Variants in AKR1D1 observed in about 807,000 individuals in gnomAD.
AKR1D1 encodes aldo-keto reductase family 1 member D1.
Under a neutral mutation model 42.6 loss-of-function variants are expected in AKR1D1, and 32 were observed. The observed-to-expected ratio is 0.75, with a 90% CI of 0.57 to 1.01. The LOEUF (loss-of-function observed/expected upper bound fraction) is 1.01. Among genes scored for constraint, AKR1D1 ranks in the 50% least tolerant of loss-of-function variants. The pLI is 0.00. For synonymous variants in AKR1D1, 123 were observed against 135.5 expected, an observed-to-expected ratio of 0.91 and a Z score of 0.64; for missense variants, 364 against 402.2, an observed-to-expected ratio of 0.91 and a Z score of 0.81.
intron 6 of AKR1D1, among the ~76,000 whole-genome samples, 157 bp downstream of exon 6, chr7:138,106,874 G>A (rs1554393117): frequency 6.6e-6 from 1 of 152,170 alleles, no homozygotes; most frequent in Non-Finnish European, 1.5e-5. Context: ...TCCTGACTGA[G>A]CTGTTGTAAA....
At chr7:138,078,613 T>C (rs1802989359) in intron 1 of AKR1D1, among the ~76,000 whole-genome samples, 1 of 152,226 alleles carries the variant, frequency 6.6e-6, no homozygotes, top group South Asian at 2.1e-4. Flanking sequence ...ATGCAGAGAT[T>C]CTCAAAGCTA....
Position 138,100,088 on chromosome 7 carries a change from C to CAAAAAAAAAA in AKR1D1, c.456+2166_456+2175dup, listed in dbSNP as rs59361346. Among the ~76,000 whole-genome samples, 78 of 43,564 alleles carry CAAAAAAAAAA rather than the reference C, an allele frequency of 1.8e-3. 5 individuals are homozygous for CAAAAAAAAAA. Among genetic ancestry groups the CAAAAAAAAAA allele is most frequent in the Non-Finnish European group, 2.4e-3 (64 of 26,508 alleles). 28.6% of individuals were successfully genotyped at this position (43,564 alleles called of 152,430 possible). On this transcript the variant is annotated intron_variant, in intron 4 of 8. Transcript: ENST00000242375. ...TGGGCAATATAGCGAGATTTCATCT[C>CAAAAAAAAAA]AAAAAAAAAAAAAAAAAAAAAAAAA... is the stretch of plus-strand genomic sequence containing the variant.
At chr7:138,101,208 C>T in intron 4 of AKR1D1, among the ~76,000 whole-genome samples, 1 of 109,846 alleles carries the variant, frequency 9.1e-6, no homozygotes, top group African/African-American at 3.5e-5. Context: ...TTCCTTCCTT[C>T]CTTCCTTCCT....
At chr7:138,091,747 C>A (rs2117434687) in intron 2 of AKR1D1, 21 bp from the exon 3 acceptor site, 1 of 1,541,794 alleles carries the variant, frequency 6.5e-7, no homozygotes, top group South Asian at 1.1e-5. Flanking sequence ...TTAGTTAATT[C>A]TCCCTCTTTG....
intron 7 of AKR1D1, among the ~76,000 whole-genome samples, chr7:138,112,960 G>A (rs1470493352): frequency 6.6e-6 from 1 of 152,048 alleles, no homozygotes; most frequent in South Asian, 2.1e-4. Flanking sequence ...AAAAATGAGA[G>A]AAAGGATTTC....
intron 4 of AKR1D1, among the ~76,000 whole-genome samples, chr7:138,103,823 A>G (rs1794364585): frequency 6.6e-6 from 1 of 152,210 alleles, no homozygotes; most frequent in Non-Finnish European, 1.5e-5. Flanking sequence ...TCTTCAAAAT[A>G]TATAAAACAA....
intron 8 of AKR1D1, 82 bp downstream of exon 8, chr7:138,113,854 T>C (rs550733201): frequency 5.6e-6 from 7 of 1,249,604 alleles, no homozygotes; most frequent in East Asian, 2.3e-5. Context: ...ATAAGAACCC[T>C]GACCTATGTC....
intron 7 of AKR1D1, 135 bp from the exon 8 acceptor site, chr7:138,113,555 C>A (rs1026527133): frequency 1.6e-5 from 12 of 745,166 alleles, no homozygotes; most frequent in Non-Finnish European, 2.6e-5. Flanking sequence ...AGTGGGTAGC[C>A]CCCCAACACC....
At chr7:138,101,593 C>A (rs1174636727) in intron 4 of AKR1D1, among the ~76,000 whole-genome samples, 1 of 152,124 alleles carries the variant, frequency 6.6e-6, no homozygotes, top group Non-Finnish European at 1.5e-5. Flanking sequence ...AGGAGGCACA[C>A]ATGTAAATAA....
At chr7:138,087,937 C>T (rs908423799) in intron 1 of AKR1D1, among the ~76,000 whole-genome samples, 2 of 148,158 alleles carry the variant, frequency 1.3e-5, no homozygotes, top group African/African-American at 5.0e-5. Flanking sequence ...GTTGCCCAGT[C>T]TGGAGTACAG....
In AKR1D1 at chr7:138,088,747, A is replaced by T. The variant is rs761965998; in HGVS notation, c.240A>T (p.Glu80Asp). Reference protein sequence around the residue: ...EKIAEGKVRREDIFYCGKLWA... With the variant: ...EKIAEGKVRRDDIFYCGKLWA... The stretch of plus-strand genomic sequence containing the variant: ...TAGCAGAAGGAAAGGTGCGGAGGGA[A>T]GATATCTTCTACTGTGGAAAGGTGA... The change falls in exon 2 of 9, where the codon GAA becomes GAT. Residue 80 changes from glutamate to aspartate, a missense_variant. Physicochemically the swap from Glu to Asp is conservative, Grantham distance 45 (BLOSUM62 2). Transcript: ENST00000242375. 6.2e-7 allele frequency: 1 copy of T among 1,605,768 alleles called. No homozygotes were observed. Among genetic ancestry groups the T allele is most frequent in the Non-Finnish European group, 8.5e-7 (1 of 1,175,756 alleles).
chr7:138,105,266 T>C, intron 4 of AKR1D1, 41 bp from the exon 5 acceptor site: 2 of 1,613,982 alleles, frequency 1.2e-6, no homozygotes, highest in South Asian at 1.1e-5. Context: ...TCTTGCTTCT[T>C]GTGAGGCTTG....
chr7:138,096,138 C>T (rs546557450), intron 3 of AKR1D1, among the ~76,000 whole-genome samples: 3 of 151,722 alleles, frequency 2.0e-5, no homozygotes, highest in Non-Finnish European at 4.4e-5. Context: ...CTGGGGACAT[C>T]GAGGCTACAG....
intron 7 of AKR1D1, among the ~76,000 whole-genome samples, chr7:138,108,401 G>A (rs573432041): frequency 6.6e-6 from 1 of 152,228 alleles, no homozygotes; most frequent in East Asian, 1.9e-4. Flanking sequence ...TAAATAAAAA[G>A]TAAGATACTA....
chr7:138,093,171 C>T (rs1363908568), intron 3 of AKR1D1, among the ~76,000 whole-genome samples: 1 of 150,830 alleles, frequency 6.6e-6, no homozygotes, highest in African/African-American at 2.4e-5. Context: ...CGGGTTCAAG[C>T]GATTCTCCTG....
chr7:138,109,915 C>A (rs569398029), intron 7 of AKR1D1, among the ~76,000 whole-genome samples: 2 of 152,006 alleles, frequency 1.3e-5, no homozygotes, highest in Admixed American at 1.3e-4. Context: ...CAATTTTGTA[C>A]CAGAGAAAAT....
chr7:138,097,233 T>A (rs1794201324), intron 3 of AKR1D1, among the ~76,000 whole-genome samples: 1 of 152,174 alleles, frequency 6.6e-6, no homozygotes, highest in Non-Finnish European at 1.5e-5. Flanking sequence ...CCAGACACCA[T>A]CAGCTCTCCC....
At chr7:138,083,204 T>C (rs762582695) in intron 1 of AKR1D1, among the ~76,000 whole-genome samples, 6 of 152,202 alleles carry the variant, frequency 3.9e-5, no homozygotes, top group Admixed American at 3.3e-4. Context: ...TCACCAATAA[T>C]TGTTACCTTT....
chr7:138,114,004 C>G (rs1216548262), intron 8 of AKR1D1, among the ~76,000 whole-genome samples: 1 of 152,190 alleles, frequency 6.6e-6, no homozygotes, highest in East Asian at 1.9e-4. Flanking sequence ...CATTTTGTGA[C>G]TTCGGTGAAG....
Sources: gnomAD v4.1 joint callset for allele counts (sites outside exome capture counted in the v4.1 genomes callset) on GRCh38, gnomAD v4.1.1 for gene constraint, MANE v1.5 for transcripts, NCBI Gene and HGNC (gene_info 2026-07-23, HGNC 2026-07-21) for gene names.